The following PAWR variants were observed in gnomAD, a reference collection of about 807,000 sequenced individuals.
PAWR encodes the protein pro-apoptotic WT1 regulator.
A neutral mutation model predicts 32.0 loss-of-function variants in PAWR; 23 were observed. The observed-to-expected ratio is 0.72, with a 90% CI of 0.52 to 1.02. The LOEUF (loss-of-function observed/expected upper bound fraction) is 1.02. PAWR is among the 50% of genes least tolerant of loss of function. The pLI is 0.00. For missense variants in PAWR, 457 were observed against 437.7 expected, an observed-to-expected ratio of 1.04 and a Z score of -0.39; for synonymous variants, 226 against 187.1, an observed-to-expected ratio of 1.21 and a Z score of -1.70.
rs181605221 is a variant in PAWR, at chr12:79,602,014, T to A, written c.684-5356A>T. ...TAAACACTTGATTTTCTCCACAAAT[T>A]CCCTAATCCCAGACTTACATATTTT... is the stretch of plus-strand genomic sequence containing the variant. On this transcript the variant is annotated intron_variant, in intron 4 of 6. Coordinates refer to ENST00000328827, the MANE Select transcript of PAWR (RefSeq NM_002583.4). Among the ~76,000 whole-genome samples the A allele has an allele frequency of 2.9e-3, 448 of 152,284 alleles. 1 individual carries two copies. Among genetic ancestry groups the A allele is most frequent in the Non-Finnish European group, 4.9e-3 (334 of 68,026 alleles).
chr12:79,607,289 TA>T (rs964680073), intron 4 of PAWR, among the ~76,000 whole-genome samples: 7 of 150,584 alleles, frequency 4.6e-5, no homozygotes, highest in African/African-American at 7.3e-5. Flanking sequence ...ACTCTGTCTT[TA>T]AAAAAAAAGA....
rs146859786 is a variant in PAWR at position 79,655,042 on chromosome 12, G to A, written c.517-33835C>T. Among the ~76,000 whole-genome samples the A allele has an allele frequency of 4.1e-3, 625 of 152,306 alleles. 12 individuals carry two copies. The highest frequency in any genetic ancestry group is 0.014 in the African/African-American group (592 of 41,566). The stretch of plus-strand genomic sequence containing the variant: ...GCTCGCTAAGCTGCCAGGTATTGCT[G>A]TGGTACTCTATAGGAAAAGTTAAGG... On this transcript the variant is annotated intron_variant, in intron 2 of 6. Coordinates refer to ENST00000328827, the MANE Select transcript of PAWR (RefSeq NM_002583.4).
At chr12:79,645,417 C>T (rs1019310608) in intron 2 of PAWR, among the ~76,000 whole-genome samples, 4 of 152,224 alleles carry the variant, frequency 2.6e-5, no homozygotes, top group Admixed American at 6.5e-5. Flanking sequence ...ACTGAAATGA[C>T]ACTGGAACTG....
intron 5 of PAWR, 53 bp downstream of exon 5, chr12:79,596,458 G>T (rs1265989117): frequency 6.8e-6 from 6 of 887,066 alleles, no homozygotes; most frequent in Non-Finnish European, 1.0e-5. Context: ...TGAAACAAAA[G>T]AATTCTAATG....
At chr12:79,669,426 TC>T (rs1188661295) in intron 2 of PAWR, among the ~76,000 whole-genome samples, 1 of 152,180 alleles carries the variant, frequency 6.6e-6, no homozygotes, top group Non-Finnish European at 1.5e-5. Flanking sequence ...TTATCTTATA[TC>T]TTGATTATTG....
intron 5 of PAWR, among the ~76,000 whole-genome samples, chr12:79,595,398 A>G (rs546992132): frequency 5.3e-5 from 8 of 152,356 alleles, no homozygotes; most frequent in Admixed American, 5.2e-4. Flanking sequence ...CTTTCTTACT[A>G]AACCTCCTAC....
At chr12:79,690,553 C>G (rs1878965659) in intron 1 of PAWR, 162 bp from the exon 2 acceptor site, 1 of 312,616 alleles carries the variant, frequency 3.2e-6, no homozygotes, top group African/African-American at 2.2e-5. Context: ...TTCTCCCACG[C>G]ACCTACAGTA....
chr12:79,594,120 T>C (rs1244339190), intron 6 of PAWR, among the ~76,000 whole-genome samples: 1 of 151,976 alleles, frequency 6.6e-6, no homozygotes, highest in Admixed American at 6.6e-5. Flanking sequence ...AATCAGTCTA[T>C]CTCCAAAAGA....
intron 2 of PAWR, among the ~76,000 whole-genome samples, chr12:79,648,262 G>C (rs562442294): frequency 3.9e-5 from 6 of 152,170 alleles, no homozygotes; most frequent in African/African-American, 1.4e-4. Context: ...TAGATTTGGT[G>C]CATTTAGCAT....
At chr12:79,652,915 G>A (rs960351722) in intron 2 of PAWR, among the ~76,000 whole-genome samples, 4 of 152,062 alleles carry the variant, frequency 2.6e-5, no homozygotes, top group East Asian at 1.9e-4. Context: ...AGTTTTCTAC[G>A]TATTTATGGT....
chr12:79,600,648 C>CTTTTTTTTTTT (rs1025749975), intron 4 of PAWR, among the ~76,000 whole-genome samples: 2 of 102,368 alleles, frequency 2.0e-5, no homozygotes, highest in African/African-American at 9.0e-5. Flanking sequence ...CCATACCTGG[C>CTTTTTTTTTTT]TTTTTTTTTT....
chr12:79,640,180 G>C (rs566305417), intron 2 of PAWR, among the ~76,000 whole-genome samples: 2 of 152,040 alleles, frequency 1.3e-5, no homozygotes, highest in East Asian at 3.9e-4. Flanking sequence ...TGGGATTTCA[G>C]GCCTGAGCCA....
chr12:79,633,193 AAT>A, intron 2 of PAWR, among the ~76,000 whole-genome samples: 1 of 152,298 alleles, frequency 6.6e-6, no homozygotes, highest in African/African-American at 2.4e-5. Context: ...CTATTCAAAA[AAT>A]AGTTAAGGAA....
chr12:79,606,044 AACCTGGGC>A (rs1253477900), intron 4 of PAWR, among the ~76,000 whole-genome samples: 3 of 152,182 alleles, frequency 2.0e-5, no homozygotes, highest in Non-Finnish European at 4.4e-5. Flanking sequence ...ACTGCACACT[AACCTGGGC>A]AACAGAGTGA....
chr12:79,608,479 G>T (rs1014773886), intron 4 of PAWR, among the ~76,000 whole-genome samples: 24 of 152,168 alleles, frequency 1.6e-4, no homozygotes, highest in African/African-American at 5.8e-4. Flanking sequence ...CAAAGCTCAG[G>T]CAGTAATGCT....
At chr12:79,683,812 C>A (rs1034247989) in intron 2 of PAWR, among the ~76,000 whole-genome samples, 1 of 152,054 alleles carries the variant, frequency 6.6e-6, no homozygotes, top group East Asian at 1.9e-4. Flanking sequence ...TTTGCACAAA[C>A]CTAATAAATA....
At chr12:79,664,234 T>G (rs1159301808) in intron 2 of PAWR, among the ~76,000 whole-genome samples, 5 of 152,082 alleles carry the variant, frequency 3.3e-5, no homozygotes, top group African/African-American at 4.8e-5. Flanking sequence ...GACCCCAACT[T>G]TTTTTTAAGT....
At chr12:79,655,519 T>C (rs1877054246) in intron 2 of PAWR, among the ~76,000 whole-genome samples, 1 of 152,216 alleles carries the variant, frequency 6.6e-6, no homozygotes, top group South Asian at 2.1e-4. Context: ...GATTAAATAC[T>C]GGTCATCAGT....
At chr12:79,604,455 G>T (rs1874089241) in intron 4 of PAWR, 3 of 1,071,518 alleles carry the variant, frequency 2.8e-6, no homozygotes, top group Non-Finnish European at 3.4e-6. Flanking sequence ...AGCATTAAGA[G>T]ATTATAGCTA....
Sources: allele counts gnomAD v4.1 joint callset (sites outside exome capture counted in the v4.1 genomes callset), GRCh38; gene constraint gnomAD v4.1.1; transcripts MANE v1.5; gene names NCBI Gene and HGNC (gene_info 2026-07-23, HGNC 2026-07-21).